Variants in KCTD16 observed in about 807,000 individuals in gnomAD.
KCTD16 encodes potassium channel tetramerization domain containing 16, also known as BTB/POZ domain-containing protein KCTD16.
KCTD16 carries 13 observed loss-of-function variants against 33.2 expected under a neutral mutation model. That is an observed-to-expected ratio of 0.39 (90% confidence interval 0.25 to 0.62). The LOEUF is 0.62. Ranked by LOEUF, KCTD16 falls within the 20% of genes least tolerant of loss-of-function variation. KCTD16 has a pLI of 0.50. For missense variants in KCTD16, 441 were observed against 525.1 expected, an observed-to-expected ratio of 0.84 and a Z score of 1.57; for synonymous variants, 197 against 195.3, an observed-to-expected ratio of 1.01 and a Z score of -0.07.
chr5:144,259,631 T>C (rs1180034288), intron 3 of KCTD16, among the ~76,000 whole-genome samples: 2 of 152,224 alleles, frequency 1.3e-5, no homozygotes, highest in African/African-American at 4.8e-5. Context: ...GAGAAAGATA[T>C]ATTTTCTTAG....
At chr5:144,339,478 T>C (rs1243018114) in intron 3 of KCTD16, among the ~76,000 whole-genome samples, 1 of 152,198 alleles carries the variant, frequency 6.6e-6, no homozygotes, top group Non-Finnish European at 1.5e-5. Context: ...CAAGCTTTCA[T>C]TTATGAACTC....
chr5:144,397,089 A>C (rs1752586161), intron 3 of KCTD16, among the ~76,000 whole-genome samples: 1 of 95,278 alleles, frequency 1.0e-5, no homozygotes, highest in South Asian at 4.4e-4. Flanking sequence ...CCACCCCACA[A>C]CAGGCCCCAC....
intron 3 of KCTD16, among the ~76,000 whole-genome samples, chr5:144,419,501 G>A (rs1753161261): frequency 6.6e-6 from 1 of 152,074 alleles, no homozygotes; most frequent in Non-Finnish European, 1.5e-5. Flanking sequence ...AATGTGAATG[G>A]GATGGTTTCT....
intron 3 of KCTD16, among the ~76,000 whole-genome samples, chr5:144,463,474 A>G (rs892845040): frequency 6.6e-6 from 1 of 152,140 alleles, no homozygotes; most frequent in Admixed American, 6.5e-5. Context: ...TGGACAAATC[A>G]TATCATTCAA....
chr5:144,341,787 G>C (rs1752653643), intron 3 of KCTD16, among the ~76,000 whole-genome samples: 1 of 152,130 alleles, frequency 6.6e-6, no homozygotes, highest in African/African-American at 2.4e-5. Context: ...AGTATCAGAT[G>C]CTCATTTATT....
intron 3 of KCTD16, among the ~76,000 whole-genome samples, chr5:144,452,802 C>T (rs1485312678): frequency 1.3e-5 from 2 of 151,662 alleles, no homozygotes; most frequent in Non-Finnish European, 2.9e-5. Flanking sequence ...AAAGAAGCCT[C>T]ACACCAAGAG....
chr5:144,230,356 A>G (rs1473555481), intron 3 of KCTD16, among the ~76,000 whole-genome samples: 1 of 152,176 alleles, frequency 6.6e-6, no homozygotes, highest in Non-Finnish European at 1.5e-5. Context: ...TAGAAAATGA[A>G]AGTGCTGATA....
chr5:144,366,545 C>T (rs920851235), intron 3 of KCTD16, among the ~76,000 whole-genome samples: 3 of 152,156 alleles, frequency 2.0e-5, no homozygotes, highest in African/African-American at 7.2e-5. Context: ...TGACCCAGCT[C>T]AGCCATTTGC....
chr5:144,400,293 C>A (rs1391023582), intron 3 of KCTD16, among the ~76,000 whole-genome samples: 1 of 152,084 alleles, frequency 6.6e-6, no homozygotes, highest in African/African-American at 2.4e-5. Context: ...TATGATATCT[C>A]TACCAGTTTG....
intron 3 of KCTD16, among the ~76,000 whole-genome samples, chr5:144,251,793 A>G (rs929946719): frequency 1.3e-5 from 2 of 152,212 alleles, no homozygotes; most frequent in South Asian, 2.1e-4. Context: ...TAGTATATGT[A>G]GTAAATCTAT....
rs151113047 is a variant in KCTD16, at chr5:144,314,530, C to G, written c.832+106984C>G. Among the ~76,000 whole-genome samples, 76 of 152,274 alleles carry G rather than the reference C, an allele frequency of 5.0e-4. 1 individual carries two copies. Among genetic ancestry groups the G allele is most frequent in the Middle Eastern group, 3.4e-3 (1 of 294 alleles). ...AAAACTGTGGCTGAAGGCTGGCTCA[C>G]AAACGCAGAGAGTGTCCTGTGTCCA... On this transcript the variant is annotated intron_variant, in intron 3 of 3. Transcript: ENST00000512467.
Position 144,326,182 on chromosome 5 carries a change from T to C in KCTD16, c.832+118636T>C, listed in dbSNP as rs1012341432. On this transcript the variant is annotated intron_variant, in intron 3 of 3. Coordinates refer to ENST00000512467, the MANE Select transcript of KCTD16 (RefSeq NM_020768.4). The stretch of plus-strand genomic sequence containing the variant: ...AGGGAAGACATCAAAATGAAACAAA[T>C]CTGTGACTATTTTTCCTCATCAGTT... Among the ~76,000 whole-genome samples, 4 of 152,264 alleles carry C rather than the reference T, an allele frequency of 2.6e-5. No homozygotes were observed. The East Asian group carries it at 5.8e-4, about 22-fold the overall frequency.
chr5:144,287,816 A>G (rs1755788239), intron 3 of KCTD16, among the ~76,000 whole-genome samples: 1 of 151,874 alleles, frequency 6.6e-6, no homozygotes, highest in Admixed American at 6.6e-5. Context: ...TTTTATTTTT[A>G]GTAGAGTCGA....
intron 3 of KCTD16, among the ~76,000 whole-genome samples, chr5:144,444,391 C>G (rs2126979789): frequency 6.6e-6 from 1 of 152,084 alleles, no homozygotes; most frequent in Middle Eastern, 3.4e-3. Flanking sequence ...TAATGCTCAC[C>G]ACAAATCCCT....
At chr5:144,441,961 C>T (rs1753721580) in intron 3 of KCTD16, among the ~76,000 whole-genome samples, 1 of 151,842 alleles carries the variant, frequency 6.6e-6, no homozygotes, top group South Asian at 2.1e-4. Context: ...TATTCACGAA[C>T]ATTTCAACAT....
chr5:144,437,301 T>C (rs1321411292), intron 3 of KCTD16, among the ~76,000 whole-genome samples: 1 of 152,166 alleles, frequency 6.6e-6, no homozygotes. Flanking sequence ...AAATGTCCCA[T>C]TGGGCCTCTA....
At chr5:144,220,421 T>C (rs1580798430) in intron 3 of KCTD16, among the ~76,000 whole-genome samples, 1 of 152,192 alleles carries the variant, frequency 6.6e-6, no homozygotes, top group Non-Finnish European at 1.5e-5. Flanking sequence ...TACTCTTTTG[T>C]ATCCTCAGCA....
At chr5:144,269,978 T>A (rs541256099) in intron 3 of KCTD16, among the ~76,000 whole-genome samples, 1 of 151,950 alleles carries the variant, frequency 6.6e-6, no homozygotes, top group Non-Finnish European at 1.5e-5. Context: ...AAAACAGGTA[T>A]AGAATATACA....
chr5:144,428,118 G>T (rs913107441), intron 3 of KCTD16, among the ~76,000 whole-genome samples: 1 of 152,090 alleles, frequency 6.6e-6, no homozygotes, highest in Non-Finnish European at 1.5e-5. Context: ...CCCATAGAAG[G>T]ACAAAGACTT....
Sources: allele counts gnomAD v4.1 joint callset (sites outside exome capture counted in the v4.1 genomes callset), GRCh38; gene constraint gnomAD v4.1.1; transcripts MANE v1.5; gene names NCBI Gene and HGNC (gene_info 2026-07-23, HGNC 2026-07-21).